The following CABLES1 variants were observed in gnomAD, a reference collection of about 807,000 sequenced individuals.
CABLES1 encodes Cdk5 and Abl enzyme substrate 1.
A neutral mutation model predicts 57.8 loss-of-function variants in CABLES1; 36 were observed. The ratio of observed to expected loss-of-function variants is 0.62; its 90% CI spans 0.48 to 0.82. CABLES1 has a LOEUF of 0.82. CABLES1 is among the 40% of genes least tolerant of loss of function. CABLES1 has a pLI of 0.00. For synonymous variants in CABLES1, 374 were observed against 363.0 expected (o/e 1.03, Z -0.35); for missense variants, 767 against 836.6 (o/e 0.92, Z 1.03).
At chr18:23,215,253 T>A (rs1301200966) in intron 4 of CABLES1, among the ~76,000 whole-genome samples, 1 of 152,092 alleles carries the variant, frequency 6.6e-6, no homozygotes, top group Non-Finnish European at 1.5e-5. Flanking sequence ...CAGAGAGATG[T>A]TTTCGGGCAG....
intron 1 of CABLES1, among the ~76,000 whole-genome samples, chr18:23,173,122 T>C (rs2047094925): frequency 6.6e-6 from 1 of 152,106 alleles, no homozygotes; most frequent in Non-Finnish European, 1.5e-5. Flanking sequence ...GTGGATGAAA[T>C]GTGGCTGTCA....
At chr18:23,213,670 C>G (rs1344501826) in intron 3 of CABLES1, among the ~76,000 whole-genome samples, 1 of 152,234 alleles carries the variant, frequency 6.6e-6, no homozygotes, top group Non-Finnish European at 1.5e-5. Flanking sequence ...TCAGATCTGT[C>G]TGCTCCCTCT....
At chr18:23,236,806 A>G (rs2047619369) in intron 6 of CABLES1, among the ~76,000 whole-genome samples, 2 of 151,678 alleles carry the variant, frequency 1.3e-5, no homozygotes, top group South Asian at 4.2e-4. Flanking sequence ...TGAAAAAGGA[A>G]CCTCTTCGGG....
intron 6 of CABLES1, 40 bp downstream of exon 6, chr18:23,236,091 A>G: frequency 6.2e-7 from 1 of 1,603,310 alleles, no homozygotes; most frequent in Non-Finnish European, 8.5e-7. Flanking sequence ...TCGTGGTGGG[A>G]GGGAGGTGCC....
At chr18:23,161,645 T>C (rs2047004937) in intron 1 of CABLES1, among the ~76,000 whole-genome samples, 1 of 150,678 alleles carries the variant, frequency 6.6e-6, no homozygotes, top group Non-Finnish European at 1.5e-5. Context: ...GTGCAGTGGC[T>C]CATGCCCGTA....
At chr18:23,239,553 T>C (rs965067533) in intron 7 of CABLES1, among the ~76,000 whole-genome samples, 3 of 152,248 alleles carry the variant, frequency 2.0e-5, no homozygotes, top group Non-Finnish European at 4.4e-5. Context: ...TGCATTTGCA[T>C]TGAACTTGTA....
At chr18:23,220,780 T>C (rs1182261373) in intron 4 of CABLES1, among the ~76,000 whole-genome samples, 2 of 152,226 alleles carry the variant, frequency 1.3e-5, no homozygotes, top group Admixed American at 6.5e-5. Context: ...TGGTTCACCC[T>C]GCAGACTTGG....
chr18:23,200,556 C>G (rs2047318331), intron 3 of CABLES1, among the ~76,000 whole-genome samples: 1 of 152,024 alleles, frequency 6.6e-6, no homozygotes, highest in Non-Finnish European at 1.5e-5. Flanking sequence ...GCCACCGTGC[C>G]CGGTCAGGAG....
intron 8 of CABLES1, among the ~76,000 whole-genome samples, chr18:23,253,328 TA>T (rs1598886435): frequency 6.6e-6 from 1 of 152,020 alleles, no homozygotes; most frequent in East Asian, 1.9e-4. Context: ...ACTAAAAATT[TA>T]AAAATTAGCC....
intron 3 of CABLES1, among the ~76,000 whole-genome samples, chr18:23,195,843 A>T (rs998069774): frequency 1.3e-5 from 2 of 152,128 alleles, no homozygotes; most frequent in African/African-American, 4.8e-5. Context: ...GCTTTTACTT[A>T]CAGAATACAG....
chr18:23,203,215 G>T (rs2047338848), intron 3 of CABLES1, among the ~76,000 whole-genome samples: 1 of 152,134 alleles, frequency 6.6e-6, no homozygotes, highest in Admixed American at 6.5e-5. Flanking sequence ...TCATCTGGGT[G>T]TTGAATGTTG....
intron 1 of CABLES1, among the ~76,000 whole-genome samples, chr18:23,185,007 C>G (rs2047192673): frequency 6.6e-6 from 1 of 152,190 alleles, no homozygotes; most frequent in South Asian, 2.1e-4. Flanking sequence ...TGAGGGGACA[C>G]AGATGTTTAA....
chr18:23,205,951 A>G (rs1201859302), intron 3 of CABLES1, among the ~76,000 whole-genome samples: 1 of 152,156 alleles, frequency 6.6e-6, no homozygotes, highest in Non-Finnish European at 1.5e-5. Context: ...TGGAGCCACC[A>G]GTAGCCAGGA....
chr18:23,201,504 A>C (rs1363312655), intron 3 of CABLES1, among the ~76,000 whole-genome samples: 1 of 152,234 alleles, frequency 6.6e-6, no homozygotes, highest in Non-Finnish European at 1.5e-5. Flanking sequence ...CGAAAGGTCA[A>C]ATGTCATATG....
At chr18:23,200,520 C>T (rs561917328) in intron 3 of CABLES1, among the ~76,000 whole-genome samples, 1 of 152,152 alleles carries the variant, frequency 6.6e-6, no homozygotes, top group African/African-American at 2.4e-5. Context: ...CCTTGGCCTC[C>T]CAAAGTGCTG....
chr18:23,171,193 A>G (rs1470668310), intron 1 of CABLES1, among the ~76,000 whole-genome samples: 12 of 152,202 alleles, frequency 7.9e-5, no homozygotes, highest in Admixed American at 6.5e-4. Flanking sequence ...TCATGGCCCT[A>G]TCCTGGGTGG....
At chr18:23,144,052 C>G (rs984544694) in intron 1 of CABLES1, among the ~76,000 whole-genome samples, 1 of 152,234 alleles carries the variant, frequency 6.6e-6, no homozygotes, top group Non-Finnish European at 1.5e-5. Context: ...CACTCTCAGG[C>G]TTCTCCTGGG....
chr18:23,201,941 C>T (rs562812788), intron 3 of CABLES1, among the ~76,000 whole-genome samples: 215 of 152,240 alleles, frequency 1.4e-3, no homozygotes, highest in African/African-American at 4.5e-3. Context: ...AGTGGGGAAG[C>T]GCATGCGCCC....
rs537003113 is a variant in CABLES1 at position 23,181,360 on chromosome 18, G to T, written c.846-7478G>T. On this transcript the variant is annotated intron_variant, in intron 1 of 9. Coordinates refer to ENST00000256925, the MANE Select transcript of CABLES1 (RefSeq NM_001100619.3). ...AGTACAAAAAAATTAGCCGGATGTG[G>T]TGGTATGCGCCTGTAGTCCCAGCTA... 1.3e-4 allele frequency among the ~76,000 whole-genome samples: 20 copies of T among 152,034 alleles called. No homozygotes were observed. In the East Asian group the frequency reaches 3.1e-3, roughly 24 times the overall value.
Sources: allele counts gnomAD v4.1 joint callset (sites outside exome capture counted in the v4.1 genomes callset), GRCh38; gene constraint gnomAD v4.1.1; transcripts MANE v1.5; gene names NCBI Gene and HGNC (gene_info 2026-07-23, HGNC 2026-07-21).